KCNMB4: variants seen among roughly 807,000 people sequenced by gnomAD.
The protein encoded by KCNMB4 is calcium-activated potassium channel subunit beta-4.
In KCNMB4, 3 loss-of-function variants were observed where a neutral mutation model predicts 20.7. That is an observed-to-expected ratio of 0.14 (90% CI 0.07 to 0.37). The LOEUF is 0.37. Ranked by LOEUF, KCNMB4 falls within the 10% of genes least tolerant of loss-of-function variation. The pLI is 1.00. For synonymous variants in KCNMB4, 110 were observed against 113.4 expected (o/e 0.97, Z 0.19); for missense variants, 168 against 265.9 (o/e 0.63, Z 2.56).
intron 2 of KCNMB4, among the ~76,000 whole-genome samples, chr12:70,424,762 G>A (rs1268034686): frequency 6.6e-6 from 1 of 151,570 alleles, no homozygotes; most frequent in Non-Finnish European, 1.5e-5. Flanking sequence ...AAAAAAAAAA[G>A]AATACTACAA....
chr12:70,387,837 TTTAAG>T (rs1332657864), intron 1 of KCNMB4, among the ~76,000 whole-genome samples: 1 of 152,186 alleles, frequency 6.6e-6, no homozygotes, highest in Non-Finnish European at 1.5e-5. Flanking sequence ...AGTTATACTC[TTTAAG>T]TTATTTTAAA....
intron 2 of KCNMB4, among the ~76,000 whole-genome samples, chr12:70,409,525 A>G (rs1868709498): frequency 6.6e-6 from 1 of 152,238 alleles, no homozygotes. Flanking sequence ...AAGACAAAAC[A>G]ACAAGAAAAC....
At chr12:70,390,958 T>G (rs192329400) in intron 1 of KCNMB4, among the ~76,000 whole-genome samples, 2 of 152,330 alleles carry the variant, frequency 1.3e-5, no homozygotes, top group Non-Finnish European at 2.9e-5. Flanking sequence ...TATACTACTC[T>G]GCTACATGTC....
At chr12:70,392,041 C>T (rs1019206513) in intron 1 of KCNMB4, among the ~76,000 whole-genome samples, 21 of 152,140 alleles carry the variant, frequency 1.4e-4, no homozygotes, top group South Asian at 2.1e-4. Flanking sequence ...ATAGACAGGG[C>T]TTGTTGATCC....
chr12:70,432,841 CTA>C lies in KCNMB4; in HGVS notation c.*2190_*2191del, dbSNP rs1869404756. ...ATCCATTTTATCTTTATTCAGTTGT[CTA>C]TGATTAATTGATTACAGAGTAGTAG... On this transcript the variant is annotated 3_prime_UTR_variant, in exon 3 of 3. Coordinates refer to ENST00000258111, the MANE Select transcript of KCNMB4 (RefSeq NM_014505.6). 6.6e-6 allele frequency: 1 copy of C among 151,936 alleles called. No homozygotes were observed. Among genetic ancestry groups the C allele is most frequent in the South Asian group, 2.1e-4 (1 of 4,812 alleles). 9.4% of individuals were successfully genotyped at this position (151,936 alleles called of 1,614,324 possible). A position where few individuals can be genotyped will look rare whatever the true frequency, so the allele number is the denominator to read the frequency against.
intron 2 of KCNMB4, chr12:70,422,748 G>A: frequency 6.2e-6 from 8 of 1,288,820 alleles, no homozygotes; most frequent in Non-Finnish European, 7.1e-6. Context: ...AACTCAGGAA[G>A]CATCTCCGGC....
chr12:70,387,424 T>A (rs710663), intron 1 of KCNMB4, among the ~76,000 whole-genome samples: 13 of 141,350 alleles, frequency 9.2e-5, no homozygotes, highest in Admixed American at 6.4e-4. Context: ...TTTTGTGAGA[T>A]GGAGTTTTGC....
At chr12:70,408,123 G>A (rs1868662472) in intron 2 of KCNMB4, among the ~76,000 whole-genome samples, 1 of 149,546 alleles carries the variant, frequency 6.7e-6, no homozygotes, top group Non-Finnish European at 1.5e-5. Context: ...GGTGTAGATA[G>A]AAGCGGGGGT....
chr12:70,394,586 G>C (rs1413149327), intron 1 of KCNMB4, among the ~76,000 whole-genome samples: 1 of 152,156 alleles, frequency 6.6e-6, no homozygotes, highest in African/African-American at 2.4e-5. Context: ...ACATTCATAA[G>C]GACTCTGTAT....
intron 2 of KCNMB4, among the ~76,000 whole-genome samples, chr12:70,426,366 T>G (rs1263499843): frequency 2.6e-5 from 4 of 152,160 alleles, no homozygotes; most frequent in African/African-American, 4.8e-5. Context: ...AATAGCTAGC[T>G]AAGTAGCATT....
chr12:70,370,290 A>AT (rs1403140189), intron 1 of KCNMB4, among the ~76,000 whole-genome samples: 61 of 136,140 alleles, frequency 4.5e-4, no homozygotes, highest in African/African-American at 1.6e-3. Flanking sequence ...GTGCTACTGA[A>AT]TTTTTTGTTT....
intron 2 of KCNMB4, among the ~76,000 whole-genome samples, chr12:70,412,754 G>A (rs1868814876): frequency 6.6e-6 from 1 of 152,096 alleles, no homozygotes; most frequent in Non-Finnish European, 1.5e-5. Flanking sequence ...CTAAGATTTG[G>A]AACAAATTCC....
rs186782801 is a variant in KCNMB4 at position 70,431,632 on chromosome 12, T to C, written c.*979T>C. On this transcript the variant is annotated 3_prime_UTR_variant, in exon 3 of 3. Transcript: ENST00000258111. ...GGATTGCTGCCATTGTGCAGTTTGC[T>C]TAGACAAACCTGGAGATGCAACCCA... The C allele has an allele frequency of 3.3e-5, 5 of 152,258 alleles. No individual in the cohort carries two copies. Among genetic ancestry groups the C allele is most frequent in the African/African-American group, 1.2e-4 (5 of 41,536 alleles). 9.4% of individuals were successfully genotyped at this position (152,258 alleles called of 1,614,324 possible).
rs763365462 is a variant in KCNMB4 at position 70,430,572 on chromosome 12, C to T, written c.552C>T (p.Gly184=). The change falls in exon 3 of 3, where the codon GGC becomes GGT. Residue 184 remains glycine (G), a synonymous_variant. Coordinates refer to ENST00000258111, the MANE Select transcript of KCNMB4 (RefSeq NM_014505.6). ...GGCCCCTGGTGACATTTGTGGTGGG[C>T]GTTCTCATTGTGGTCCTGACCATCT... ...FLWPLVTFVV[G]VLIVVLTICA... 2.5e-6 allele frequency: 4 copies of T among 1,613,758 alleles called. No homozygotes were observed. Among genetic ancestry groups the T allele is most frequent in the South Asian group, 2.2e-5 (2 of 90,988 alleles).
intron 1 of KCNMB4, among the ~76,000 whole-genome samples, chr12:70,377,993 A>G (rs1883717621): frequency 6.9e-6 from 1 of 145,588 alleles, no homozygotes; most frequent in African/African-American, 2.6e-5. Flanking sequence ...CCTGTTGCCC[A>G]GGCTGGAGTG....
Position 70,389,014 on chromosome 12 carries a change from T to A in KCNMB4, c.337-11195T>A, listed in dbSNP as rs143331600. 4.6e-5 allele frequency among the ~76,000 whole-genome samples: 7 copies of A among 151,880 alleles called. No homozygotes were observed. The East Asian group carries it at 1.4e-3, about 29-fold the overall frequency. ...TACCTCTGTGTTTCTAAACAATAGG[T>A]TTTCTGATGTATGCAGTTGAGATAC... On this transcript the variant is annotated intron_variant, in intron 1 of 2. Transcript: ENST00000258111.
At chr12:70,392,499 A>T (rs961087578) in intron 1 of KCNMB4, among the ~76,000 whole-genome samples, 1 of 152,318 alleles carries the variant, frequency 6.6e-6, no homozygotes, top group Admixed American at 6.5e-5. Context: ...TACCCAAAGG[A>T]TTATAAATCA....
chr12:70,391,756 G>A (rs1868301358), intron 1 of KCNMB4, among the ~76,000 whole-genome samples: 1 of 152,200 alleles, frequency 6.6e-6, no homozygotes, highest in African/African-American at 2.4e-5. Flanking sequence ...CCAAGGATGA[G>A]CATTCTCGAG....
chr12:70,419,560 A>T (rs563207623), intron 2 of KCNMB4, among the ~76,000 whole-genome samples: 3 of 151,706 alleles, frequency 2.0e-5, no homozygotes, highest in East Asian at 3.9e-4. Context: ...ATTCAGAATT[A>T]AAAAAAAATA....
Sources: gnomAD v4.1 joint callset for allele counts (sites outside exome capture counted in the v4.1 genomes callset) on GRCh38, gnomAD v4.1.1 for gene constraint, MANE v1.5 for transcripts, NCBI Gene and HGNC (gene_info 2026-07-23, HGNC 2026-07-21) for gene names.